Variants in JMJD1C observed in about 807,000 individuals in gnomAD.
The protein encoded by JMJD1C is jumonji domain containing 1C.
Under a neutral mutation model 245.3 loss-of-function variants are expected in JMJD1C, and 31 were observed. The observed-to-expected ratio is 0.13, with a 90% CI of 0.09 to 0.17. The LOEUF is 0.17. Among genes scored for constraint, JMJD1C ranks in the 10% least tolerant of loss-of-function variants. The pLI is 1.00. For missense variants in JMJD1C, 2,691 were observed against 3,000.2 expected (o/e 0.90, Z 2.41); for synonymous variants, 1,057 against 1,017.4 (o/e 1.04, Z -0.74).
chr10:63,264,607 TTTAA>T, intron 3 of JMJD1C, 40 bp downstream of exon 3: 1 of 838,204 alleles, frequency 1.2e-6, no homozygotes, highest in Non-Finnish European at 1.9e-6. Context: ...ATCAATAAAG[TTTAA>T]TTAACCTTTA....
chr10:63,332,932 C>G (rs1193052820), intron 2 of JMJD1C, among the ~76,000 whole-genome samples: 2 of 152,060 alleles, frequency 1.3e-5, no homozygotes, highest in African/African-American at 4.8e-5. Context: ...AACCATTATG[C>G]TAATTATCAG....
intron 2 of JMJD1C, among the ~76,000 whole-genome samples, chr10:63,316,286 A>G (rs530940938): frequency 7.2e-5 from 11 of 152,324 alleles, no homozygotes; most frequent in South Asian, 6.2e-4. Flanking sequence ...AGTAATTTTC[A>G]TATCTGTTTT....
intron 1 of JMJD1C, among the ~76,000 whole-genome samples, chr10:63,393,461 T>C (rs770017705): frequency 1.3e-5 from 2 of 152,098 alleles, no homozygotes; most frequent in African/African-American, 2.4e-5. Flanking sequence ...AGTACAGTCA[T>C]TAGGAAAAAC....
intron 10 of JMJD1C, among the ~76,000 whole-genome samples, chr10:63,205,654 T>C (rs140267990): frequency 1.3e-5 from 2 of 152,292 alleles, no homozygotes; most frequent in Admixed American, 6.5e-5. Flanking sequence ...AGGAACTTCA[T>C]AGCATGTACT....
At chr10:63,270,782 C>T (rs1415050708) in intron 2 of JMJD1C, among the ~76,000 whole-genome samples, 5 of 152,006 alleles carry the variant, frequency 3.3e-5, no homozygotes, top group Non-Finnish European at 7.4e-5. Context: ...AGTAATTTCT[C>T]GTTTCATAGT....
chr10:63,350,047 TAAAAG>T (rs1325205516), intron 2 of JMJD1C, among the ~76,000 whole-genome samples: 1 of 152,172 alleles, frequency 6.6e-6, no homozygotes, highest in Admixed American at 6.5e-5. Flanking sequence ...TTTATACCTA[TAAAAG>T]AAGACAAAAA....
intron 1 of JMJD1C, chr10:63,427,282 A>G: frequency 2.6e-6 from 1 of 390,358 alleles, no homozygotes; most frequent in Admixed American, 4.2e-5. Flanking sequence ...TCTGGAGCCC[A>G]CTCCAGCCGG....
At chr10:63,453,884 G>C (rs12761965) in intron 1 of JMJD1C, among the ~76,000 whole-genome samples, 47 of 151,720 alleles carry the variant, frequency 3.1e-4, no homozygotes, top group African/African-American at 1.1e-3. Flanking sequence ...AACTACACCC[G>C]GCTAATTTTT....
intron 2 of JMJD1C, among the ~76,000 whole-genome samples, chr10:63,329,126 A>G (rs187489834): frequency 6.6e-6 from 1 of 152,178 alleles, no homozygotes; most frequent in African/African-American, 2.4e-5. Context: ...TACAAAAAAT[A>G]CAAAAATTAG....
chr10:63,314,504 A>C (rs1381033328), intron 2 of JMJD1C, among the ~76,000 whole-genome samples: 2 of 152,194 alleles, frequency 1.3e-5, no homozygotes, highest in Non-Finnish European at 2.9e-5. Context: ...AGGCTACAGC[A>C]AGCTGTGATC....
intron 3 of JMJD1C, among the ~76,000 whole-genome samples, chr10:63,238,980 C>G (rs1159787271): frequency 6.6e-6 from 1 of 152,024 alleles, no homozygotes; most frequent in African/African-American, 2.4e-5. Flanking sequence ...TTTGTATCCT[C>G]TAGGATACAA....
chr10:63,432,328 G>A (rs1009463133), intron 1 of JMJD1C, among the ~76,000 whole-genome samples: 2 of 152,118 alleles, frequency 1.3e-5, no homozygotes, highest in African/African-American at 2.4e-5. Flanking sequence ...ACTGCCTTTG[G>A]GACTATCCCT....
intron 2 of JMJD1C, among the ~76,000 whole-genome samples, chr10:63,346,463 A>G (rs1943824410): frequency 6.6e-6 from 1 of 152,222 alleles, no homozygotes; most frequent in Non-Finnish European, 1.5e-5. Context: ...ACTTAGCAAT[A>G]TGCTTCTGTA....
chr10:63,278,478 T>A, intron 2 of JMJD1C, among the ~76,000 whole-genome samples: 1 of 150,642 alleles, frequency 6.6e-6, no homozygotes, highest in African/African-American at 2.4e-5. Context: ...GAGCTGAGAT[T>A]ACGCCACTGC....
intron 1 of JMJD1C, among the ~76,000 whole-genome samples, chr10:63,512,457 C>A (rs980264212): frequency 6.6e-6 from 1 of 152,170 alleles, no homozygotes; most frequent in Admixed American, 6.5e-5. Context: ...GGTAACACAA[C>A]ATGGCAGGAT....
At chr10:63,281,095 G>C (rs896004492) in intron 2 of JMJD1C, among the ~76,000 whole-genome samples, 1 of 150,328 alleles carries the variant, frequency 6.7e-6, no homozygotes, top group Non-Finnish European at 1.5e-5. Flanking sequence ...GCCTTCCAAA[G>C]TGCTGGGATT....
At chr10:63,175,192 TAC>T (rs1019381206) in intron 24 of JMJD1C, among the ~76,000 whole-genome samples, 5 of 152,210 alleles carry the variant, frequency 3.3e-5, no homozygotes, top group African/African-American at 1.2e-4. Flanking sequence ...TACATTTGAA[TAC>T]AGATTAGCTA....
chr10:63,322,325 A>G (rs1285900376), intron 2 of JMJD1C, among the ~76,000 whole-genome samples: 1 of 152,174 alleles, frequency 6.6e-6, no homozygotes, highest in Non-Finnish European at 1.5e-5. Context: ...GATTTCTACA[A>G]AGACAAAATC....
chr10:63,474,019 G>A (rs1228768657), intron 1 of JMJD1C, among the ~76,000 whole-genome samples: 1 of 151,690 alleles, frequency 6.6e-6, no homozygotes, highest in Non-Finnish European at 1.5e-5. Flanking sequence ...CTCCAGCCTA[G>A]GTGACAAGAG....
Sources: gnomAD v4.1 joint callset for allele counts (sites outside exome capture counted in the v4.1 genomes callset) on GRCh38, gnomAD v4.1.1 for gene constraint, MANE v1.5 for transcripts, NCBI Gene and HGNC (gene_info 2026-07-23, HGNC 2026-07-21) for gene names.